The following GABRR1 variants were observed in gnomAD, a reference collection of about 807,000 sequenced individuals.
The protein encoded by GABRR1 is gamma-aminobutyric acid receptor subunit rho-1.
In GABRR1, 59 loss-of-function variants were observed where a neutral mutation model predicts 55.5. The ratio of observed to expected loss-of-function variants is 1.06; its 90% CI spans 0.86 to 1.32. The LOEUF (loss-of-function observed/expected upper bound fraction) is 1.32, where lower values mean the gene tolerates loss of function less well. Ranked by LOEUF, GABRR1 falls within the 40% of genes most tolerant of loss-of-function variation. The pLI, the probability that GABRR1 is intolerant of heterozygous loss-of-function variation, is 0.00. For missense variants in GABRR1, 602 were observed against 619.1 expected (o/e 0.97, Z 0.29); for synonymous variants, 213 against 226.0 (o/e 0.94, Z 0.51).
At chr6:89,212,442 T>TCCCTTC in intron 1 of GABRR1, among the ~76,000 whole-genome samples, 1 of 150,948 alleles carries the variant, frequency 6.6e-6, no homozygotes, top group South Asian at 2.1e-4. Context: ...GAAATGGAAA[T>TCCCTTC]CTGCTGAGAC....
intron 7 of GABRR1, among the ~76,000 whole-genome samples, chr6:89,184,885 C>CTTTTTTTTTT (rs754802888): frequency 2.4e-5 from 3 of 123,738 alleles, no homozygotes; most frequent in Non-Finnish European, 3.3e-5. Flanking sequence ...TCTTTTCTTT[C>CTTTTTTTTTT]TTTTTTTTTT....
chr6:89,206,617 AC>A (rs1218210697), intron 1 of GABRR1, among the ~76,000 whole-genome samples: 2 of 141,356 alleles, frequency 1.4e-5, no homozygotes, highest in Admixed American at 7.4e-5. Flanking sequence ...GAGAGACTGT[AC>A]TTTTTTTTTT....
chr6:89,180,565 T>C (rs1404624029), intron 8 of GABRR1, 77 bp from the exon 9 acceptor site: 2 of 1,526,140 alleles, frequency 1.3e-6, no homozygotes, highest in African/African-American at 2.7e-5. Flanking sequence ...CTCTGCTCAT[T>C]TGTCCCTGCT....
At chr6:89,226,244 T>C (rs566041021) in intron 1 of GABRR1, among the ~76,000 whole-genome samples, 92 of 143,442 alleles carry the variant, frequency 6.4e-4, no homozygotes, top group African/African-American at 2.4e-3. Flanking sequence ...TAGTTTCTTT[T>C]GCTGTGCAGA....
intron 5 of GABRR1, among the ~76,000 whole-genome samples, chr6:89,191,187 T>A (rs1435790598): frequency 6.6e-6 from 1 of 152,208 alleles, no homozygotes; most frequent in Non-Finnish European, 1.5e-5. Flanking sequence ...GCTTTGAGGG[T>A]GGAATGGTTG....
chr6:89,178,999 C>G lies in GABRR1; in HGVS notation c.1211G>C (p.Gly404Ala), dbSNP rs1220181292. The change falls in exon 10 of 10, where the codon GGG (glycine) becomes GCG (alanine). Residue 404 changes from glycine to alanine, a missense_variant. Coordinates refer to ENST00000454853, the MANE Select transcript of GABRR1 (RefSeq NM_002042.5). ...TAMLDGNYSD[G>A]EVNDLDNYMP... ...GTAGTTGTCCAGGTCATTCACCTCC[C>G]CATCACTGTAGTTGCCGTCCAGCAT... 6.2e-7 allele frequency: 1 copy of G among 1,614,162 alleles called. No homozygotes were observed. The highest frequency in any genetic ancestry group is 8.5e-7 in the Non-Finnish European group (1 of 1,180,018).
Position 89,179,067 on chromosome 6 carries a change from C to T in GABRR1, c.1147-4G>A. On this transcript the variant is annotated splice_polypyrimidine_tract_variant and splice_region_variant and intron_variant, in intron 9 of 9. Coordinates refer to ENST00000454853, the MANE Select transcript of GABRR1 (RefSeq NM_002042.5). ...GTAATCCGCTGGTGCAGGGAAGCTG[C>T]AAACAGTAAACACATGTTGGGGTGT... 6.2e-7 allele frequency: 1 copy of T among 1,612,296 alleles called. No homozygotes were observed. Among genetic ancestry groups the T allele is most frequent in the Non-Finnish European group, 8.5e-7 (1 of 1,179,612 alleles).
At chr6:89,191,518 T>C (rs971753683) in intron 5 of GABRR1, among the ~76,000 whole-genome samples, 1 of 152,214 alleles carries the variant, frequency 6.6e-6, no homozygotes, top group Non-Finnish European at 1.5e-5. Context: ...ATTCTGTTAG[T>C]TGGTATAGGA....
At chr6:89,225,071 G>T (rs1232802860) in intron 1 of GABRR1, among the ~76,000 whole-genome samples, 1 of 152,134 alleles carries the variant, frequency 6.6e-6, no homozygotes, top group Admixed American at 6.5e-5. Context: ...GAGAGCCACC[G>T]TGCCCAGCCA....
At chr6:89,185,699 G>A (rs911745088) in intron 6 of GABRR1, among the ~76,000 whole-genome samples, 1 of 152,154 alleles carries the variant, frequency 6.6e-6, no homozygotes, top group East Asian at 1.9e-4. Flanking sequence ...CCTGCAAAAG[G>A]GTTCACCCTA....
chr6:89,186,375 G>A (rs989832969), intron 6 of GABRR1, among the ~76,000 whole-genome samples: 1 of 152,228 alleles, frequency 6.6e-6, no homozygotes, highest in African/African-American at 2.4e-5. Context: ...GATTCCATCA[G>A]TTGAAAGGCC....
At chr6:89,208,599 G>C (rs1772724069) in intron 1 of GABRR1, among the ~76,000 whole-genome samples, 1 of 152,258 alleles carries the variant, frequency 6.6e-6, no homozygotes, top group South Asian at 2.1e-4. Context: ...TCAGAGAAAA[G>C]ACTAAGGTTT....
At chr6:89,219,396 C>T (rs146199534), upstream of GABRR1, among the ~76,000 whole-genome samples, 5 of 152,284 alleles carry the variant, frequency 3.3e-5, no homozygotes, top group African/African-American at 1.2e-4. Flanking sequence ...ACGCAAACTT[C>T]AAAGGAGGCA....
At chr6:89,218,277 G>A (rs1450958615), upstream of GABRR1, among the ~76,000 whole-genome samples, 1 of 151,988 alleles carries the variant, frequency 6.6e-6, no homozygotes, top group African/African-American at 2.4e-5. Flanking sequence ...GCTGAAAAGC[G>A]GTTTCACACA....
At chr6:89,220,841 CT>C, upstream of GABRR1, among the ~76,000 whole-genome samples, 1 of 152,140 alleles carries the variant, frequency 6.6e-6, no homozygotes, top group East Asian at 1.9e-4. Flanking sequence ...CTGCCTCAGC[CT>C]CCCGAGTAGC....
In GABRR1 at chr6:89,203,484, G is replaced by T; in HGVS notation, c.124C>A (p.Pro42Thr). The change falls in exon 2 of 10, where the codon CCC becomes ACC. Residue 42 changes from proline (P) to threonine (T), a missense_variant and splice_region_variant. By Grantham distance (38) the Pro-to-Thr change is conservative. This residue lies in a region of GABRR1 where 435 missense variants were observed against 424.2 expected (regional missense o/e 1.03). Transcript: ENST00000454853. ...EVHEMSKKGR[P>T]QRQRREVHED... The stretch of plus-strand genomic sequence containing the variant: ...TGTACTTCTCGTCTTTGTCTTTGGG[G>T]CCTACCATGAACATTAAAAATAAAG... The T allele has an allele frequency of 1.2e-6, 2 of 1,610,844 alleles. No homozygotes were observed. Among genetic ancestry groups the T allele is most frequent in the East Asian group, 4.5e-5 (2 of 44,828 alleles).
intron 1 of GABRR1, among the ~76,000 whole-genome samples, chr6:89,206,915 G>A (rs568296468): frequency 6.6e-6 from 1 of 152,274 alleles, no homozygotes; most frequent in South Asian, 2.1e-4. Context: ...ACCATGCCCG[G>A]CCTCTACGTT....
intron 3 of GABRR1, among the ~76,000 whole-genome samples, chr6:89,199,986 C>T (rs947560850): frequency 2.0e-5 from 3 of 151,990 alleles, no homozygotes; most frequent in Admixed American, 6.6e-5. Context: ...CTGGGCCATA[C>T]GGACTAAATA....
At position 89,186,437 on chromosome 6, in the gene GABRR1, C is replaced by T. The variant is rs140999499; in HGVS notation, c.656-987G>A. ...AAGAAGAAATCCCACCTGTGGCCTG[C>T]GGCATCCGCTCCTGCCCCAGAGTGC... On this transcript the variant is annotated intron_variant, in intron 6 of 9. Transcript: ENST00000454853. 7.0e-3 allele frequency among the ~76,000 whole-genome samples: 1,063 copies of T among 152,304 alleles called. 7 individuals carry two copies. The highest frequency in any genetic ancestry group is 0.025 in the African/African-American group (1,024 of 41,550).
Sources: gnomAD v4.1 joint callset for allele counts (sites outside exome capture counted in the v4.1 genomes callset) on GRCh38, gnomAD v4.1.1 for gene constraint, gnomAD v4.1.1 regional missense constraint, MANE v1.5 for transcripts, NCBI Gene and HGNC (gene_info 2026-07-23, HGNC 2026-07-21) for gene names.